The following OTUD7B variants were observed in gnomAD, a reference collection of about 807,000 sequenced individuals.
OTUD7B encodes OTU deubiquitinase 7B.
In OTUD7B, 34 loss-of-function variants were observed where a neutral mutation model predicts 82.2. The observed-to-expected ratio is 0.41, with a 90% CI of 0.31 to 0.55. The LOEUF is 0.55. OTUD7B is among the 20% of genes least tolerant of loss of function. The pLI is 0.20. For missense variants in OTUD7B, 944 were observed against 1,062.1 expected (o/e 0.89, Z 1.55); for synonymous variants, 398 against 402.7 (o/e 0.99, Z 0.14).
the OTUD7B span, among the ~76,000 whole-genome samples, chr1:150,042,622 T>C: frequency 6.6e-6 from 1 of 152,144 alleles, no homozygotes; most frequent in Non-Finnish European, 1.5e-5. Flanking sequence ...CTCCCAAGAC[T>C]GGCCCCATCC....
intron 9 of OTUD7B, 111 bp downstream of exon 9, chr1:149,949,518 A>C: frequency 8.8e-7 from 1 of 1,138,628 alleles, no homozygotes; most frequent in Non-Finnish European, 1.3e-6. Flanking sequence ...AAACAGTATC[A>C]ACATGTGCTG....
intron 1 of OTUD7B, among the ~76,000 whole-genome samples, chr1:150,002,314 A>T (rs1338695755): frequency 6.6e-6 from 1 of 152,196 alleles, no homozygotes; most frequent in Admixed American, 6.5e-5. Context: ...AAAACAACTT[A>T]AAGGGAGCTT....
intron 5 of OTUD7B, 90 bp downstream of exon 5, chr1:149,965,687 T>G: frequency 3.3e-6 from 3 of 896,048 alleles, no homozygotes; most frequent in Middle Eastern, 2.3e-4. Flanking sequence ...CCGCCTAAGA[T>G]CAAGGTTATC....
the OTUD7B span, chr1:150,054,635 C>G: frequency 2.9e-6 from 1 of 350,026 alleles, no homozygotes; most frequent in Admixed American, 3.8e-5. Context: ...TGGTGAAATC[C>G]TGTCTCTACT....
At chr1:150,008,884 T>C (rs1262153428) in intron 1 of OTUD7B, among the ~76,000 whole-genome samples, 2 of 152,196 alleles carry the variant, frequency 1.3e-5, no homozygotes, top group East Asian at 1.9e-4. Flanking sequence ...TCTAAGTACA[T>C]AGTAACTGGC....
At chr1:149,985,381 TG>T (rs1651057119) in intron 1 of OTUD7B, among the ~76,000 whole-genome samples, 1 of 152,066 alleles carries the variant, frequency 6.6e-6, no homozygotes, top group Non-Finnish European at 1.5e-5. Context: ...CACTCCAGCT[TG>T]GGCGACAGAG....
chr1:149,954,461 G>A (rs1553774143), intron 7 of OTUD7B, among the ~76,000 whole-genome samples: 1 of 152,172 alleles, frequency 6.6e-6, no homozygotes, highest in Non-Finnish European at 1.5e-5. Context: ...GTATTTTATT[G>A]AGGATTCTTG....
In OTUD7B at chr1:149,940,296, C is replaced by G. The variant is rs2092752568; in HGVS notation, c.*3561G>C. ...TCTACAGCACTGAGTTTAACACCAT[C>G]TCCACTCCTTAAAAAGACTGAATCT... On this transcript the variant is annotated 3_prime_UTR_variant, in exon 12 of 12. Coordinates refer to ENST00000581312, the MANE Select transcript of OTUD7B (RefSeq NM_020205.4). 6.6e-6 allele frequency: 1 copy of G among 151,414 alleles called. No individual in the cohort carries two copies. The highest frequency in any genetic ancestry group is 2.4e-5 in the African/African-American group (1 of 41,284). The allele number at this position is 151,414 out of a possible 1,614,324, so 9.4% of individuals were successfully genotyped here.
At chr1:150,044,623 T>C in the OTUD7B span, among the ~76,000 whole-genome samples, 3 of 149,972 alleles carry the variant, frequency 2.0e-5, no homozygotes, top group South Asian at 4.2e-4. Context: ...TGAGCCGAGA[T>C]CACACCACTG....
upstream of OTUD7B, among the ~76,000 whole-genome samples, chr1:150,015,044 C>T (rs1653226860): frequency 6.6e-6 from 1 of 152,124 alleles, no homozygotes; most frequent in South Asian, 2.1e-4. Context: ...GCTAAGTTTA[C>T]CATTTTGTGT....
rs781862578 is a variant in OTUD7B at position 149,944,924 on chromosome 1, T to C, written c.1465A>G (p.Lys489Glu). 6.2e-7 allele frequency: 1 copy of C among 1,614,208 alleles called. No homozygotes were observed. The highest frequency in any genetic ancestry group is 1.1e-5 in the South Asian group (1 of 91,086). ...NEGGRRKEKS[K>E]RDREKDKKRA... is the part of the protein sequence containing the mutation. ...TTCTTGTCCTTCTCCCGATCTCGCT[T>C]TGACTTCTCCTTCCGCCGGCCGCCC... The change falls in exon 12 of 12, where the codon AAG becomes GAG. Residue 489 changes from lysine to glutamate, a missense_variant. Around this residue, in one of 3 missense-constraint regions of OTUD7B, gnomAD observed 530 missense variants for 625.6 expected, o/e 0.85. Coordinates refer to ENST00000581312, the MANE Select transcript of OTUD7B (RefSeq NM_020205.4).
Position 149,970,071 on chromosome 1 carries a change from T to C in OTUD7B, c.274+992A>G, listed in dbSNP as rs148981137. On this transcript the variant is annotated intron_variant, in intron 3 of 11. Transcript: ENST00000581312. ...AGTTCTGCCTAATTCTTTCTAATGA[T>C]TGCAGAGTATTCCACAACATGGATG... is the stretch of plus-strand genomic sequence containing the variant. Among the ~76,000 whole-genome samples the C allele has an allele frequency of 4.2e-3, 639 of 152,196 alleles. 5 individuals are homozygous for C. Among genetic ancestry groups the C allele is most frequent in the Middle Eastern group, 0.017 (5 of 294 alleles).
At chr1:149,976,182 A>G (rs1650293404) in intron 2 of OTUD7B, among the ~76,000 whole-genome samples, 1 of 152,102 alleles carries the variant, frequency 6.6e-6, no homozygotes, top group South Asian at 2.1e-4. Flanking sequence ...AATTTAAAAT[A>G]TTACCTATGT....
chr1:150,049,951 C>A, the OTUD7B span, among the ~76,000 whole-genome samples: 4 of 152,084 alleles, frequency 2.6e-5, no homozygotes, highest in African/African-American at 9.7e-5. Context: ...ATGGCTCATT[C>A]CTGTCATCCC....
chr1:150,003,508 CA>C (rs1409192993), intron 1 of OTUD7B, among the ~76,000 whole-genome samples: 3 of 152,142 alleles, frequency 2.0e-5, no homozygotes, highest in Admixed American at 6.5e-5. Flanking sequence ...TTTCCAACCT[CA>C]GCATGCCCAA....
intron 1 of OTUD7B, among the ~76,000 whole-genome samples, chr1:150,001,499 C>T (rs1232065689): frequency 3.3e-5 from 5 of 152,128 alleles, no homozygotes; most frequent in African/African-American, 1.2e-4. Flanking sequence ...CATCTCAAAT[C>T]AGATAGCAGA....
chr1:150,016,458 T>C, the OTUD7B span, among the ~76,000 whole-genome samples: 3,345 of 148,326 alleles, frequency 0.023, 48 homozygotes, highest in Middle Eastern at 0.035. Context: ...TTTTCTTTTT[T>C]TTTTTTTTTT....
chr1:149,954,899 C>T (rs1648545957), intron 7 of OTUD7B, among the ~76,000 whole-genome samples: 1 of 152,078 alleles, frequency 6.6e-6, no homozygotes, highest in African/African-American at 2.4e-5. Context: ...TGCCCTTTAT[C>T]ATTTTTTATT....
chr1:150,032,713 G>A, the OTUD7B span, among the ~76,000 whole-genome samples: 658 of 127,508 alleles, frequency 5.2e-3, 2 homozygotes, highest in Middle Eastern at 0.034. Context: ...AGGAGGAGGA[G>A]GAAGAAGAAG....
Sources: gnomAD v4.1 joint callset for allele counts (sites outside exome capture counted in the v4.1 genomes callset) on GRCh38, gnomAD v4.1.1 for gene constraint, gnomAD v4.1.1 regional missense constraint, MANE v1.5 for transcripts, NCBI Gene and HGNC (gene_info 2026-07-23, HGNC 2026-07-21) for gene names.